The following ECM1 variants were observed in gnomAD, a reference collection of about 807,000 sequenced individuals.
The protein encoded by ECM1 is extracellular matrix protein 1.
Under a neutral mutation model 57.9 loss-of-function variants are expected in ECM1, and 54 were observed. The observed-to-expected ratio is 0.93, with a 90% CI of 0.75 to 1.17. The LOEUF (loss-of-function observed/expected upper bound fraction) is 1.17, where lower values mean the gene tolerates loss of function less well. ECM1 is among the 50% of genes most tolerant of loss of function. ECM1 has a pLI of 0.00. For missense variants in ECM1, 649 were observed against 688.1 expected (o/e 0.94, Z 0.64); for synonymous variants, 237 against 259.1 (o/e 0.91, Z 0.82).
At position 150,513,617 on chromosome 1, in the gene ECM1, C is replaced by A; in HGVS notation, c.*150C>A. The A allele has an allele frequency of 1.3e-6, 1 of 784,224 alleles. No homozygotes were observed. Among genetic ancestry groups the A allele is most frequent in the Non-Finnish European group, 2.0e-6 (1 of 497,566 alleles). The allele number at this position is 784,224 out of a possible 1,614,324, so 48.6% of individuals were successfully genotyped here. The stretch of plus-strand genomic sequence containing the variant: ...CAGTGTTTTAAGTGGATCTTGGTGC[C>A]CTGGCCCAGGAGGGCACTGGCGTTT... On this transcript the variant is annotated 3_prime_UTR_variant, in exon 10 of 10. Coordinates refer to ENST00000369047, the MANE Select transcript of ECM1 (RefSeq NM_004425.4).
At chr1:150,512,234 T>C in intron 7 of ECM1, 118 bp from the exon 8 acceptor site, 2 of 1,174,146 alleles carry the variant, frequency 1.7e-6, no homozygotes, top group East Asian at 2.5e-5. Context: ...GCCATTCCCT[T>C]TGGGCCTCTC....
Position 150,511,733 on chromosome 1 carries a change from G to C in ECM1, c.985G>C (p.Asp329His), listed in dbSNP as rs1560266322. Residue 329 changes from aspartate to histidine, a missense_variant, in exon 7 of 10, where the codon GAC becomes CAC. By Grantham distance (81) the Asp-to-His change is moderately conservative (BLOSUM62 -1). Transcript: ENST00000369047. ...TGTGCCACGCAACCTGCCAGCTACT[G>C]ACCCCCTACAAAGGGAGCTGCTGGC... ...RSVPRNLPATDPLQRELLALI... is the reference protein window; with the variant it reads ...RSVPRNLPATHPLQRELLALI... The C allele has an allele frequency of 6.2e-7, 1 of 1,614,008 alleles. No individual in the cohort carries two copies. The highest frequency in any genetic ancestry group is 1.3e-5 in the African/African-American group (1 of 75,004).
chr1:150,510,506 C>T lies in ECM1; in HGVS notation c.385+324C>T. 5.4e-6 allele frequency: 3 copies of T among 553,500 alleles called. No homozygotes were observed. The South Asian group carries it at 6.2e-5, about 11-fold the overall frequency. The allele number at this position is 553,500 out of a possible 1,614,324, so 34.3% of individuals were successfully genotyped here. On this transcript the variant is annotated intron_variant, in intron 5 of 9. Transcript: ENST00000369047. ...ATGGCTTTTGCTTACTCCTTCTACC[C>T]AGTAGACCCACCTCTTCCATATCAG...
Position 150,511,069 on chromosome 1 carries a change from G to A in ECM1, c.579G>A (p.Trp193Ter). Reference protein sequence around the residue: ...PNRQHVVYGPWNLPQSSYSHL... With the variant: ...PNRQHVVYGP ...GTCAGCATGTGGTATATGGTCCCTG[G>A]AACCTACCACAGTCCAGCTACTCCC... The change falls in exon 6 of 10, where the codon TGG becomes TGA. Residue 193 changes from tryptophan to a stop codon, truncating the protein, a stop_gained. Coordinates refer to ENST00000369047, the MANE Select transcript of ECM1 (RefSeq NM_004425.4). LOFTEE classifies it high-confidence loss of function. The A allele has an allele frequency of 6.2e-7, 1 of 1,614,180 alleles. No individual in the cohort carries two copies. The highest frequency in any genetic ancestry group is 8.5e-7 in the Non-Finnish European group (1 of 1,180,030).
At position 150,511,601 on chromosome 1, in the gene ECM1, C is replaced by T; in HGVS notation, c.853C>T (p.Pro285Ser). Residue 285 changes from proline to serine, a missense_variant, in exon 7 of 10, where the codon CCC becomes TCC. Coordinates refer to ENST00000369047, the MANE Select transcript of ECM1 (RefSeq NM_004425.4). The stretch of plus-strand genomic sequence containing the variant: ...GCCACACTACCAGCTCCGGGCCTGC[C>T]CCAGCCATCAGCCTGATATTTCCTC... ...PQPHYQLRAC[P>S]SHQPDISSGL... The T allele has an allele frequency of 6.2e-7, 1 of 1,614,182 alleles. No homozygotes were observed. Among genetic ancestry groups the T allele is most frequent in the Non-Finnish European group, 8.5e-7 (1 of 1,180,024 alleles).
Position 150,509,940 on chromosome 1 carries a change from A to C in ECM1, c.242A>C (p.Gln81Pro), listed in dbSNP as rs768265914. 6.2e-7 allele frequency: 1 copy of C among 1,613,988 alleles called. No homozygotes were observed. Among genetic ancestry groups the C allele is most frequent in the South Asian group, 1.1e-5 (1 of 91,078 alleles). The change falls in exon 4 of 10, where the codon CAG (glutamine) becomes CCG (proline). Residue 81 changes from glutamine to proline, a missense_variant. Physicochemically the swap from Gln to Pro is moderately conservative, Grantham distance 76. Transcript: ENST00000369047. ...GQSQVQPPPS[Q>P]EATPLQQEKL... ...TCTATAGTGCAGCCCCCTCCCTCTC[A>C]GGAGGCCACCCCTCTCCAACAGGAA...
intron 1 of ECM1, among the ~76,000 whole-genome samples, chr1:150,508,947 C>T (rs587613807): frequency 1.2e-4 from 18 of 152,274 alleles, no homozygotes; most frequent in African/African-American, 4.1e-4. Flanking sequence ...AGATCACCTA[C>T]AAGTGACCCT....
rs587750816 is a variant in ECM1, at chr1:150,509,556, G to A, written c.96G>A (p.Gln32=). The A allele has an allele frequency of 6.2e-7, 1 of 1,614,170 alleles. No individual in the cohort carries two copies. Among genetic ancestry groups the A allele is most frequent in the East Asian group, 2.2e-5 (1 of 44,884 alleles). The change falls in exon 2 of 10, where the codon CAG becomes CAA. Residue 32 remains glutamine, a synonymous_variant. Coordinates refer to ENST00000369047, the MANE Select transcript of ECM1 (RefSeq NM_004425.4). ...EGGFTATGQR[Q]LRPEHFQEVG... ...GCTTCACGGCTACAGGACAGAGGCA[G>A]CTGAGGCCAGAGCACTTTCAAGAAG...
At chr1:150,513,097 C>T (rs1490548251) in intron 9 of ECM1, 140 bp from the exon 10 acceptor site, 2 of 929,022 alleles carry the variant, frequency 2.2e-6, no homozygotes, top group East Asian at 2.6e-5. Flanking sequence ...CAGTCTTGTA[C>T]TCTCTCTGGG....
Position 150,513,514 on chromosome 1 carries a change from C to T in ECM1, c.*47C>T. The T allele has an allele frequency of 6.5e-7, 1 of 1,537,298 alleles. No individual in the cohort carries two copies. Among genetic ancestry groups the T allele is most frequent in the East Asian group, 2.3e-5 (1 of 43,990 alleles). ...GTCAGATGGGGGGAACCCCACCCTGCCCCACCCATCTGAACACTCATTACA... is the reference window on the plus strand; with the variant it reads ...GTCAGATGGGGGGAACCCCACCCTGTCCCACCCATCTGAACACTCATTACA... On this transcript the variant is annotated 3_prime_UTR_variant, in exon 10 of 10. Coordinates refer to ENST00000369047, the MANE Select transcript of ECM1 (RefSeq NM_004425.4).
chr1:150,511,214 T>C lies in ECM1; in HGVS notation c.708+16T>C. ...CAAACTTGTGGTAAGGTTGGGTTCT[T>C]GATGCCGGGGGGTGTCCTTTAACCC... is the stretch of plus-strand genomic sequence containing the variant. On this transcript the variant is annotated intron_variant, in intron 6 of 9. Coordinates refer to ENST00000369047, the MANE Select transcript of ECM1 (RefSeq NM_004425.4). 6.2e-7 allele frequency: 1 copy of C among 1,614,020 alleles called. No individual in the cohort carries two copies. Among genetic ancestry groups the C allele is most frequent in the Non-Finnish European group, 8.5e-7 (1 of 1,180,000 alleles).
At position 150,513,282 on chromosome 1, in the gene ECM1, T is replaced by C; in HGVS notation, c.1438T>C (p.Trp480Arg). The change falls in exon 10 of 10, where the codon TGG (tryptophan) becomes CGG (arginine). Residue 480 changes from tryptophan to arginine, a missense_variant. Physicochemically the swap from Trp to Arg is moderately radical, Grantham distance 101 (BLOSUM62 -3). Transcript: ENST00000369047. The stretch of plus-strand genomic sequence containing the variant: ...TCTGTGTGGTCCCCGACGTAACATC[T>C]GGCGAGACCCTGCCCTCTGCTGTTA... ...NDLCGPRRNI[W>R]RDPALCCYLS... 1 of 1,614,250 alleles carries C rather than the reference T, an allele frequency of 6.2e-7. No individual in the cohort carries two copies. Among genetic ancestry groups the C allele is most frequent in the Non-Finnish European group, 8.5e-7 (1 of 1,180,042 alleles).
At position 150,511,103 on chromosome 1, in the gene ECM1, C is replaced by T. The variant is rs200265315; in HGVS notation, c.613C>T (p.Arg205Cys). Residue 205 changes from arginine to cysteine, a missense_variant, in exon 6 of 10, where the codon CGC becomes TGC. Physicochemically the swap from Arg to Cys is radical, Grantham distance 180. Coordinates refer to ENST00000369047, the MANE Select transcript of ECM1 (RefSeq NM_004425.4). ...ACAGTCCAGCTACTCCCACCTCACT[C>T]GCCAGGGTGAGACCCTCAATTTCCT... is the stretch of plus-strand genomic sequence containing the variant. ...LPQSSYSHLTRQGETLNFLEI... is the reference protein window; with the variant it reads ...LPQSSYSHLTCQGETLNFLEI... 30 of 1,614,254 alleles carry T rather than the reference C, an allele frequency of 1.9e-5. No individual in the cohort carries two copies. The East Asian group carries it at 4.9e-4, about 26-fold the overall frequency.
At chr1:150,511,314 C>T (rs1670434007) in intron 6 of ECM1, 116 bp downstream of exon 6, 1 of 1,588,406 alleles carries the variant, frequency 6.3e-7, no homozygotes, top group African/African-American at 1.3e-5. Context: ...GTTCACTGGC[C>T]CTACCCTGGG....
chr1:150,510,776 C>CCTTTCTCCTCCACCCCAGATT, intron 5 of ECM1, 100 bp from the exon 6 acceptor site: 1 of 1,226,068 alleles, frequency 8.2e-7, no homozygotes, highest in Non-Finnish European at 1.2e-6. Context: ...TCCTCCCAAC[C>CCTTTCTCCTCCACCCCAGATT]CTTTCTCCTC....
Position 150,508,114 on chromosome 1 carries a change from TA to T in ECM1, c.-94del, listed in dbSNP as rs1476145463. ...GAGCTGGTCCTGAAGCTCACAACCGTAACAGCCACCAGACAAGCTTCAGTGG... is the reference window on the plus strand; with the variant it reads ...GAGCTGGTCCTGAAGCTCACAACCGTACAGCCACCAGACAAGCTTCAGTGG... On this transcript the variant is annotated 5_prime_UTR_variant, in exon 1 of 10. Transcript: ENST00000369047. The T allele has an allele frequency of 3.4e-6, 4 of 1,168,978 alleles. No homozygotes were observed. The African/African-American group carries it at 4.5e-5, about 13-fold the overall frequency. 72.4% of individuals were successfully genotyped at this position (1,168,978 alleles called of 1,614,324 possible).
chr1:150,511,528 G>A lies in ECM1; in HGVS notation c.780G>A (p.Thr260=), dbSNP rs11801190. The stretch of plus-strand genomic sequence containing the variant: ...AGACCCGACCCCACTGGTGCTGCAC[G>A]CGGCAGGGGGAGGCTCGGTTCTCCT... The part of the protein sequence containing the change: ...SVKTRPHWCC[T]RQGEARFSCF... The change falls in exon 7 of 10, where the codon ACG becomes ACA. Residue 260 remains threonine, a synonymous_variant. Transcript: ENST00000369047. 0.092 allele frequency: 149,193 copies of A among 1,613,984 alleles called. 8,225 individuals are homozygous for A. The highest frequency in any genetic ancestry group is 0.23 in the African/African-American group (17,273 of 74,952).
In ECM1 at chr1:150,509,301, T is replaced by C. The variant is rs587723890; in HGVS notation, c.71-230T>C. On this transcript the variant is annotated intron_variant, in intron 1 of 9. Transcript: ENST00000369047. ...CCTTTAGGCCCAACCTCTGAGCCAG[T>C]AGAGGTGGAGCTATCAGACCGCCAC... The C allele has an allele frequency of 1.6e-5, 10 of 609,734 alleles. No homozygotes were observed. In the South Asian group the frequency reaches 1.7e-4, roughly 10 times the overall value. The allele number at this position is 609,734 out of a possible 1,614,324, so 37.8% of individuals were successfully genotyped here.
chr1:150,509,319 A>T, intron 1 of ECM1: 1 of 629,534 alleles, frequency 1.6e-6, no homozygotes, highest in Non-Finnish European at 2.9e-6. Flanking sequence ...GAGCTATCAG[A>T]CCGCCACAGG....
Sources: gnomAD v4.1 joint callset for allele counts (sites outside exome capture counted in the v4.1 genomes callset) on GRCh38, gnomAD v4.1.1 for gene constraint, MANE v1.5 for transcripts, NCBI Gene and HGNC (gene_info 2026-07-23, HGNC 2026-07-21) for gene names.